DPYD: variants seen among roughly 807,000 people sequenced by gnomAD.
DPYD encodes dihydropyrimidine dehydrogenase [NADP(+)].
Under a neutral mutation model 116.2 loss-of-function variants are expected in DPYD, and 109 were observed. The observed-to-expected ratio is 0.94, with a 90% CI of 0.80 to 1.10. The LOEUF (loss-of-function observed/expected upper bound fraction) is 1.10. Ranked by LOEUF, DPYD falls within the 50% of genes least tolerant of loss-of-function variation. The pLI is 0.00. For missense variants in DPYD, 1,302 were observed against 1,254.5 expected (o/e 1.04, Z -0.57); for synonymous variants, 440 against 432.0 (o/e 1.02, Z -0.23).
At chr1:97,493,212 A>T (rs571038274) in intron 13 of DPYD, among the ~76,000 whole-genome samples, 2 of 152,316 alleles carry the variant, frequency 1.3e-5, no homozygotes, top group East Asian at 3.9e-4. Context: ...ATGTAATACC[A>T]AGTAGGCTGT....
intron 19 of DPYD, among the ~76,000 whole-genome samples, chr1:97,228,184 C>A (rs1661323809): frequency 6.6e-6 from 1 of 150,640 alleles, no homozygotes; most frequent in African/African-American, 2.4e-5. Context: ...TAAATTTCTA[C>A]AACAATGCTA....
intron 12 of DPYD, among the ~76,000 whole-genome samples, chr1:97,519,258 T>A (rs1037831922): frequency 6.6e-6 from 1 of 152,116 alleles, no homozygotes; most frequent in African/African-American, 2.4e-5. Flanking sequence ...ACAATCATGG[T>A]GGGAGGCAAG....
rs939421555 is a variant in DPYD at position 97,312,053 on chromosome 1, G to C, written c.2059-5756C>G. 2.0e-4 allele frequency among the ~76,000 whole-genome samples: 31 copies of C among 151,696 alleles called. 1 individual carries two copies. The highest frequency in any genetic ancestry group is 7.5e-4 in the African/African-American group (31 of 41,368). ...GGTGGTCACATGGTGTGCACATTAT[G>C]AGTTGTTAAAAAATATATATGTGTG... On this transcript the variant is annotated intron_variant, in intron 16 of 22. Coordinates refer to ENST00000370192, the MANE Select transcript of DPYD (RefSeq NM_000110.4).
At chr1:97,617,217 C>A (rs746021574) in intron 8 of DPYD, among the ~76,000 whole-genome samples, 1 of 152,174 alleles carries the variant, frequency 6.6e-6, no homozygotes. Flanking sequence ...CACAAACACA[C>A]AGTTCGTGTC....
At chr1:97,266,322 T>C (rs1664222119) in intron 18 of DPYD, among the ~76,000 whole-genome samples, 1 of 152,132 alleles carries the variant, frequency 6.6e-6, no homozygotes, top group Non-Finnish European at 1.5e-5. Flanking sequence ...AGAATGCTCA[T>C]CTATTAAGAG....
chr1:97,743,040 G>A (rs1271559040), intron 3 of DPYD, among the ~76,000 whole-genome samples: 1 of 152,102 alleles, frequency 6.6e-6, no homozygotes, highest in Non-Finnish European at 1.5e-5. Flanking sequence ...TTAATGTGCA[G>A]TGTATTTTTC....
intron 10 of DPYD, among the ~76,000 whole-genome samples, chr1:97,588,351 C>T (rs766593857): frequency 6.6e-6 from 1 of 151,998 alleles, no homozygotes; most frequent in Non-Finnish European, 1.5e-5. Context: ...TTGAAATATA[C>T]TTTGTGTGTG....
At chr1:97,882,015 TA>T (rs202041515) in intron 2 of DPYD, among the ~76,000 whole-genome samples, 11 of 150,616 alleles carry the variant, frequency 7.3e-5, no homozygotes, top group African/African-American at 2.2e-4. Context: ...ATAATAATAA[TA>T]AAAAAAAGAA....
intron 7 of DPYD, among the ~76,000 whole-genome samples, chr1:97,690,227 C>A (rs1660943911): frequency 6.6e-6 from 1 of 151,958 alleles, no homozygotes; most frequent in Non-Finnish European, 1.5e-5. Flanking sequence ...CCAAAGATAT[C>A]TGACAAAATT....
Position 97,700,168 on chromosome 1 carries a change from T to G in DPYD, c.484-621A>C, listed in dbSNP as rs750334796. ...AAGTGACCAGAAGTCACTTTTCCCC[T>G]GAGGGATTTGCGACTTCTTACCAAA... On this transcript the variant is annotated intron_variant, in intron 5 of 22. Transcript: ENST00000370192. 9.9e-5 allele frequency: 45 copies of G among 453,834 alleles called. No homozygotes were observed. In the Middle Eastern group the frequency reaches 2.0e-3, roughly 20 times the overall value. 28.1% of individuals were successfully genotyped at this position (453,834 alleles called of 1,614,324 possible).
At chr1:97,372,267 TG>T (rs1470654621) in intron 16 of DPYD, among the ~76,000 whole-genome samples, 1 of 152,154 alleles carries the variant, frequency 6.6e-6, no homozygotes, top group Admixed American at 6.5e-5. Context: ...GTGAAACAAG[TG>T]GAGGGACAAT....
intron 5 of DPYD, chr1:97,720,756 C>T: frequency 6.9e-7 from 1 of 1,453,348 alleles, no homozygotes; most frequent in Non-Finnish European, 9.1e-7. Flanking sequence ...CAACTAGTCT[C>T]CAAAGATTAT....
intron 10 of DPYD, among the ~76,000 whole-genome samples, chr1:97,581,745 C>CA (rs1226325704): frequency 0.054 from 3,365 of 62,804 alleles, 181 homozygotes; most frequent in African/African-American, 0.15. Flanking sequence ...GATCCTGTCT[C>CA]AAAAAAAAAA....
chr1:97,117,357 T>G (rs1194299402), intron 20 of DPYD, among the ~76,000 whole-genome samples: 2 of 152,222 alleles, frequency 1.3e-5, no homozygotes, highest in African/African-American at 4.8e-5. Context: ...CTGAACAATC[T>G]TCACTAGAAG....
rs370946635 is a variant in DPYD, at chr1:97,122,402, T to A, written c.2623-23770A>T. ...AGTCAAGTAAATAAGTATTTAGAAG[T>A]ACTAGGCTATAAAGCTTAAGAACTA... On this transcript the variant is annotated intron_variant, in intron 20 of 22. Transcript: ENST00000370192. Among the ~76,000 whole-genome samples, 18 of 152,272 alleles carry A rather than the reference T, an allele frequency of 1.2e-4. No individual in the cohort carries two copies. The East Asian group carries it at 3.1e-3, about 26-fold the overall frequency.
At chr1:97,478,348 C>A (rs1678103741) in intron 13 of DPYD, among the ~76,000 whole-genome samples, 1 of 152,042 alleles carries the variant, frequency 6.6e-6, no homozygotes, top group South Asian at 2.1e-4. Context: ...AGTGCAGTGG[C>A]ATGACCTTAG....
intron 13 of DPYD, among the ~76,000 whole-genome samples, chr1:97,493,238 C>T (rs1199511075): frequency 6.6e-6 from 1 of 152,118 alleles, no homozygotes; most frequent in East Asian, 1.9e-4. Context: ...TTCAGTGCAA[C>T]CTATAATGTT....
At chr1:97,616,311 C>T (rs1045981220) in intron 8 of DPYD, among the ~76,000 whole-genome samples, 1 of 152,144 alleles carries the variant, frequency 6.6e-6, no homozygotes, top group Non-Finnish European at 1.5e-5. Context: ...TTCTCAGCAT[C>T]ATAAAAGAAA....
intron 1 of DPYD, among the ~76,000 whole-genome samples, chr1:97,902,004 A>G (rs956080802): frequency 6.6e-6 from 1 of 151,830 alleles, no homozygotes; most frequent in Non-Finnish European, 1.5e-5. Context: ...TGAAATCCAC[A>G]TAGTCTAAAA....
Sources: allele counts gnomAD v4.1 joint callset (sites outside exome capture counted in the v4.1 genomes callset), GRCh38; gene constraint gnomAD v4.1.1; transcripts MANE v1.5; gene names NCBI Gene and HGNC (gene_info 2026-07-23, HGNC 2026-07-21).